TBX4: variants seen among roughly 807,000 people sequenced by gnomAD.
TBX4 encodes T-box transcription factor 4, also known as T-box transcription factor TBX4.
In TBX4, 13 loss-of-function variants were observed where a neutral mutation model predicts 54.6. The ratio of observed to expected loss-of-function variants is 0.24; its 90% CI spans 0.15 to 0.38. The LOEUF (loss-of-function observed/expected upper bound fraction) is 0.38, where lower values mean the gene tolerates loss of function less well. Among genes scored for constraint, TBX4 ranks in the 10% least tolerant of loss-of-function variants. The pLI, the probability that TBX4 is intolerant of heterozygous loss-of-function variation, is 1.00. For synonymous variants in TBX4, 314 were observed against 306.7 expected, an observed-to-expected ratio of 1.02 and a Z score of -0.25; for missense variants, 631 against 728.5, an observed-to-expected ratio of 0.87 and a Z score of 1.54.
At chr17:61,453,909 AC>A (rs1250842198) in intron 1 of TBX4, among the ~76,000 whole-genome samples, 6 of 152,240 alleles carry the variant, frequency 3.9e-5, no homozygotes, top group African/African-American at 1.4e-4. Flanking sequence ...AAACAGCGTG[AC>A]AAAGTATAAT....
rs2060644257 is a variant in TBX4, at chr17:61,479,153, G to C, written c.702+374G>C. On this transcript the variant is annotated intron_variant, in intron 6 of 8. Transcript: ENST00000644296. The surrounding 1 kb of genome is among the most constrained non-coding windows in gnomAD (Gnocchi z 6.1). ...GCCTTCAGAGACAGGGGTAGGGAAT[G>C]GGGATAGGAGCCCTGGGGTGCTGTC... Among the ~76,000 whole-genome samples, 1 of 152,148 alleles carries C rather than the reference G, an allele frequency of 6.6e-6. No individual in the cohort carries two copies. The highest frequency in any genetic ancestry group is 2.4e-5 in the African/African-American group (1 of 41,418).
At position 61,465,329 on chromosome 17, in the gene TBX4, G is replaced by A. The variant is rs1440718446; in HGVS notation, c.282-490G>A. On this transcript the variant is annotated intron_variant, in intron 3 of 8. Coordinates refer to ENST00000644296, the MANE Select transcript of TBX4 (RefSeq NM_001321120.2). The surrounding 1 kb of genome is among the most constrained non-coding windows in gnomAD (Gnocchi z 4.9). ...ATTTCCACAGAGGCATGACCCAGAG[G>A]AGGCAGCTCATTATTTATGGAAGCA... Among the ~76,000 whole-genome samples the A allele has an allele frequency of 6.6e-6, 1 of 152,204 alleles. No individual in the cohort carries two copies. The highest frequency in any genetic ancestry group is 1.5e-5 in the Non-Finnish European group (1 of 68,046).
rs1166896970 is a variant in TBX4, at chr17:61,481,264, A to T, written c.1021+945A>T. The T allele has an allele frequency of 6.6e-6, 1 of 152,222 alleles. No homozygotes were observed. Among genetic ancestry groups the T allele is most frequent in the Non-Finnish European group, 1.5e-5 (1 of 68,038 alleles). 9.4% of individuals were successfully genotyped at this position (152,222 alleles called of 1,614,324 possible). ...TTCATGAGATGTGAGCATTATGTGA[A>T]ATTAAAGTTTTAGTGTCCATAAAGT... On this transcript the variant is annotated intron_variant, in intron 8 of 8. Coordinates refer to ENST00000644296, the MANE Select transcript of TBX4 (RefSeq NM_001321120.2). This position sits in a 1 kb window ranked among gnomAD's most constrained non-coding sequence, Gnocchi z 4.8.
intron 4 of TBX4, 39 bp from the exon 5 acceptor site, chr17:61,467,471 C>G: frequency 6.2e-7 from 1 of 1,614,048 alleles, no homozygotes; most frequent in Non-Finnish European, 8.5e-7. Context: ...CTCACCAGCC[C>G]CTGGAGTAAT....
At position 61,465,532 on chromosome 17, in the gene TBX4, G is replaced by A. The variant is rs1045416930; in HGVS notation, c.282-287G>A. Among the ~76,000 whole-genome samples, 1 of 152,248 alleles carries A rather than the reference G, an allele frequency of 6.6e-6. No individual in the cohort carries two copies. The highest frequency in any genetic ancestry group is 6.5e-5 in the Admixed American group (1 of 15,292). On this transcript the variant is annotated intron_variant, in intron 3 of 8. Coordinates refer to ENST00000644296, the MANE Select transcript of TBX4 (RefSeq NM_001321120.2). This position sits in a 1 kb window ranked among gnomAD's most constrained non-coding sequence, Gnocchi z 4.9. ...TGGGCACTAGCCCCAAGTCTTAGGG[G>A]ATTATGGGGGAGGGGATAAGTGAAT...
rs764153611 is a variant in TBX4, at chr17:61,465,190, G to A, written c.282-629G>A. ...TGATACTCAGGGTGCACAGGTCCAGGTGAGGTGTTCACAGGGAGAAGTACC... is the reference window on the plus strand; with the variant it reads ...TGATACTCAGGGTGCACAGGTCCAGATGAGGTGTTCACAGGGAGAAGTACC... On this transcript the variant is annotated intron_variant, in intron 3 of 8. Transcript: ENST00000644296. This position sits in a 1 kb window ranked among gnomAD's most constrained non-coding sequence, Gnocchi z 4.9. 1.3e-5 allele frequency among the ~76,000 whole-genome samples: 2 copies of A among 152,156 alleles called. No homozygotes were observed. Among genetic ancestry groups the A allele is most frequent in the Non-Finnish European group, 2.9e-5 (2 of 68,022 alleles).
intron 1 of TBX4, among the ~76,000 whole-genome samples, chr17:61,456,164 AG>A (rs1410312387): frequency 1.3e-5 from 2 of 152,172 alleles, no homozygotes; most frequent in Admixed American, 1.3e-4. Flanking sequence ...GGAGCTCAGT[AG>A]GAGTGAGGGA....
chr17:61,454,947 C>T (rs894781682), intron 1 of TBX4, among the ~76,000 whole-genome samples: 1 of 152,216 alleles, frequency 6.6e-6, no homozygotes, highest in African/African-American at 2.4e-5. Context: ...GGACCCAGCG[C>T]GCTGGCCGGA....
rs2060605902 is a variant in TBX4, at chr17:61,474,622, T to C, written c.550-4005T>C. 6.6e-6 allele frequency among the ~76,000 whole-genome samples: 1 copy of C among 152,228 alleles called. No homozygotes were observed. The highest frequency in any genetic ancestry group is 2.4e-5 in the African/African-American group (1 of 41,458). ...CAGTTGTTAAAATAGAACAGGCTTC[T>C]GAATTGTGGCCAGAACATAATGAAT... On this transcript the variant is annotated intron_variant, in intron 5 of 8. Transcript: ENST00000644296. The surrounding 1 kb of genome is among the most constrained non-coding windows in gnomAD (Gnocchi z 4.6).
chr17:61,465,745 C>G lies in TBX4; in HGVS notation c.282-74C>G, dbSNP rs1265471363. 2 of 1,600,010 alleles carry G rather than the reference C, an allele frequency of 1.2e-6. No homozygotes were observed. Among genetic ancestry groups the G allele is most frequent in the African/African-American group, 2.7e-5 (2 of 74,592 alleles). ...GGCAGCATCTGTTAGCGGCCTTCTG[C>G]CCCCTTGCTCACTCTGTTCCATCTC... On this transcript the variant is annotated intron_variant, in intron 3 of 8. Transcript: ENST00000644296. The surrounding 1 kb of genome is among the most constrained non-coding windows in gnomAD (Gnocchi z 4.9).
chr17:61,464,987 G>C lies in TBX4; in HGVS notation c.282-832G>C, dbSNP rs941418118. On this transcript the variant is annotated intron_variant, in intron 3 of 8. Transcript: ENST00000644296. The surrounding 1 kb of genome is among the most constrained non-coding windows in gnomAD (Gnocchi z 5.8). ...GCAGGGGTCCGTGGTAATTCACGCA[G>C]CAATCTATGAGATAGGTGGTAATGT... is the stretch of plus-strand genomic sequence containing the variant. Among the ~76,000 whole-genome samples, 7 of 152,192 alleles carry C rather than the reference G, an allele frequency of 4.6e-5. No homozygotes were observed. Among genetic ancestry groups the C allele is most frequent in the African/African-American group, 1.7e-4 (7 of 41,426 alleles).
chr17:61,453,407 AATAAT>A (rs1379463026), intron 1 of TBX4, among the ~76,000 whole-genome samples: 2 of 152,178 alleles, frequency 1.3e-5, no homozygotes, highest in East Asian at 3.8e-4. Context: ...GTAGTGATAT[AATAAT>A]ATAATGTATT....
intron 4 of TBX4, 129 bp downstream of exon 4, chr17:61,466,067 C>T: frequency 2.8e-6 from 4 of 1,436,856 alleles, no homozygotes; most frequent in Non-Finnish European, 3.9e-6. Flanking sequence ...CTGGAGTCCA[C>T]TGCCTGGAAC....
chr17:61,460,802 A>T lies in TBX4; in HGVS notation c.281+3171A>T, dbSNP rs1603249524. 6.6e-6 allele frequency among the ~76,000 whole-genome samples: 1 copy of T among 152,262 alleles called. No individual in the cohort carries two copies. The highest frequency in any genetic ancestry group is 6.5e-5 in the Admixed American group (1 of 15,292). On this transcript the variant is annotated intron_variant, in intron 3 of 8. Transcript: ENST00000644296. The surrounding 1 kb of genome is among the most constrained non-coding windows in gnomAD (Gnocchi z 4.4). ...TGTCTCACTGCCCTACTCCTAGGTC[A>T]GGGTTTTGCCACCAGATAAATCTCC...
intron 8 of TBX4, among the ~76,000 whole-genome samples, chr17:61,482,290 C>CTATT (rs2060668425): frequency 6.6e-6 from 1 of 152,182 alleles, no homozygotes; most frequent in Non-Finnish European, 1.5e-5. Context: ...ATTATCAGTT[C>CTATT]TATTTCTTAA....
chr17:61,457,523 C>T lies in TBX4; in HGVS notation c.187-14C>T. 1 of 1,612,610 alleles carries T rather than the reference C, an allele frequency of 6.2e-7. No homozygotes were observed. The highest frequency in any genetic ancestry group is 1.7e-5 in the Admixed American group (1 of 60,014). The stretch of plus-strand genomic sequence containing the variant: ...GGCCTGGCAGACACAAGTTTCTCTC[C>T]CTCCCATCCCCAGACCATCGAGAAC... On this transcript the variant is annotated splice_polypyrimidine_tract_variant and intron_variant, in intron 2 of 8. Coordinates refer to ENST00000644296, the MANE Select transcript of TBX4 (RefSeq NM_001321120.2). The surrounding 1 kb of genome is among the most constrained non-coding windows in gnomAD (Gnocchi z 8.2).
At position 61,483,648 on chromosome 17, in the gene TBX4, GTGTGTA is replaced by G. The variant is rs1193344677; in HGVS notation, c.*134_*139del. On this transcript the variant is annotated 3_prime_UTR_variant, in exon 9 of 9. Coordinates refer to ENST00000644296, the MANE Select transcript of TBX4 (RefSeq NM_001321120.2). The surrounding 1 kb of genome is among the most constrained non-coding windows in gnomAD (Gnocchi z 6.6). ...TGTGTGTGTGTGTGTGTGTGTGTGT[GTGTGTA>G]TACACGAGCATGTATGTATTTGGAG... 302 of 1,158,168 alleles carry G rather than the reference GTGTGTA, an allele frequency of 2.6e-4. 1 individual carries two copies. The highest frequency in any genetic ancestry group is 3.1e-4 in the Non-Finnish European group (246 of 786,376). 71.7% of individuals were successfully genotyped at this position (1,158,168 alleles called of 1,614,324 possible).
At position 61,457,239 on chromosome 17, in the gene TBX4, GC is replaced by G. The variant is rs2143794915; in HGVS notation, c.187-295del. On this transcript the variant is annotated intron_variant, in intron 2 of 8. Coordinates refer to ENST00000644296, the MANE Select transcript of TBX4 (RefSeq NM_001321120.2). This position sits in a 1 kb window ranked among gnomAD's most constrained non-coding sequence, Gnocchi z 8.2. ...TCTGCCCCGGGAGCCTGTGGCGATG[GC>G]CCGCCACAGAAATGTTCATGAGTGA... Among the ~76,000 whole-genome samples the G allele has an allele frequency of 6.6e-6, 1 of 152,162 alleles. No homozygotes were observed. Among genetic ancestry groups the G allele is most frequent in the African/African-American group, 2.4e-5 (1 of 41,562 alleles).
In TBX4 at chr17:61,460,629, C is replaced by G. The variant is rs765690612; in HGVS notation, c.281+2998C>G. On this transcript the variant is annotated intron_variant, in intron 3 of 8. Coordinates refer to ENST00000644296, the MANE Select transcript of TBX4 (RefSeq NM_001321120.2). This position sits in a 1 kb window ranked among gnomAD's most constrained non-coding sequence, Gnocchi z 4.4. ...TGTCCAGAGGGTTCGTGCTGATAGC[C>G]GCAGACAGCAGATCCCTCTCTTGGC... 2.3e-4 allele frequency among the ~76,000 whole-genome samples: 35 copies of G among 152,088 alleles called. No homozygotes were observed. Among genetic ancestry groups the G allele is most frequent in the African/African-American group, 8.0e-4 (33 of 41,400 alleles).
Sources: allele counts gnomAD v4.1 joint callset (sites outside exome capture counted in the v4.1 genomes callset), GRCh38; gene constraint gnomAD v4.1.1; non-coding constraint Gnocchi (gnomAD v3.1); transcripts MANE v1.5; gene names NCBI Gene and HGNC (gene_info 2026-07-23, HGNC 2026-07-21).